Variants in PCSK2 observed in about 807,000 individuals in gnomAD.
PCSK2 encodes proprotein convertase subtilisin/kexin type 2.
Under a neutral mutation model 69.7 loss-of-function variants are expected in PCSK2, and 14 were observed. The observed-to-expected ratio is 0.20, with a 90% CI of 0.13 to 0.31. The LOEUF (loss-of-function observed/expected upper bound fraction) is 0.31. Ranked by LOEUF, PCSK2 falls within the 10% of genes least tolerant of loss-of-function variation. PCSK2 has a pLI of 1.00. For missense variants in PCSK2, 544 were observed against 842.5 expected, an observed-to-expected ratio of 0.65 and a Z score of 4.39; for synonymous variants, 307 against 320.7, an observed-to-expected ratio of 0.96 and a Z score of 0.46.
At chr20:17,363,186 A>G (rs1280684044) in intron 4 of PCSK2, among the ~76,000 whole-genome samples, 1 of 152,252 alleles carries the variant, frequency 6.6e-6, no homozygotes, top group African/African-American at 2.4e-5. Flanking sequence ...ATCTGCGTGC[A>G]GAAGTTTAAA....
At chr20:17,480,950 C>T (rs1034888223) in intron 11 of PCSK2, among the ~76,000 whole-genome samples, 1 of 152,148 alleles carries the variant, frequency 6.6e-6, no homozygotes, top group Admixed American at 6.5e-5. Flanking sequence ...GGGAGATTCT[C>T]GTGCCTGGGG....
At chr20:17,329,151 T>A (rs1370138692) in intron 2 of PCSK2, among the ~76,000 whole-genome samples, 2 of 152,222 alleles carry the variant, frequency 1.3e-5, no homozygotes, top group East Asian at 3.8e-4. Context: ...GCTTAGTAAT[T>A]TCTCTTTGTA....
chr20:17,455,684 G>C (rs561061707), intron 9 of PCSK2, among the ~76,000 whole-genome samples: 5 of 152,204 alleles, frequency 3.3e-5, no homozygotes, highest in Non-Finnish European at 7.3e-5. Context: ...AAACTAGGGT[G>C]GGGGTATTGA....
intron 1 of PCSK2, among the ~76,000 whole-genome samples, chr20:17,244,934 C>G (rs1314920331): frequency 5.3e-5 from 8 of 152,158 alleles, no homozygotes; most frequent in Non-Finnish European, 7.3e-5. Flanking sequence ...CATTTCTTGC[C>G]AGATCCTCGC....
intron 11 of PCSK2, among the ~76,000 whole-genome samples, chr20:17,466,802 C>G (rs1423274654): frequency 6.6e-6 from 1 of 152,202 alleles, no homozygotes; most frequent in East Asian, 1.9e-4. Context: ...ATTCGTCATA[C>G]CTGCTTCCAG....
intron 2 of PCSK2, among the ~76,000 whole-genome samples, chr20:17,346,246 C>T (rs1390186581): frequency 6.6e-6 from 1 of 152,182 alleles, no homozygotes; most frequent in Admixed American, 6.5e-5. Context: ...TAGCCAGGTG[C>T]CATGAGCACT....
At chr20:17,275,436 A>G (rs1600437893) in intron 2 of PCSK2, among the ~76,000 whole-genome samples, 1 of 152,240 alleles carries the variant, frequency 6.6e-6, no homozygotes, top group East Asian at 1.9e-4. Flanking sequence ...CTGTGAAATG[A>G]TTAATGACAT....
In PCSK2 at chr20:17,481,900, G is replaced by A. The variant is rs779095446; in HGVS notation, c.1747G>A (p.Val583Met). Residue 583 changes from valine to methionine, a missense_variant, in exon 12 of 12, where the codon GTG (valine) becomes ATG (methionine). Coordinates refer to ENST00000262545, the MANE Select transcript of PCSK2 (RefSeq NM_002594.5). Reference protein sequence around the residue: ...GFVGSAPQKGVLKEWTLMLHG... With the variant: ...GFVGSAPQKGMLKEWTLMLHG... ...TGTCGGCAGCGCCCCGCAGAAGGGG[G>A]TGCTGAAGGAGTGGACCCTGATGCT... is the stretch of plus-strand genomic sequence containing the variant. The A allele has an allele frequency of 2.5e-6, 4 of 1,613,926 alleles. No individual in the cohort carries two copies. The highest frequency in any genetic ancestry group is 2.2e-5 in the South Asian group (2 of 91,090).
intron 2 of PCSK2, among the ~76,000 whole-genome samples, chr20:17,329,882 C>A (rs1568605721): frequency 6.6e-6 from 1 of 152,136 alleles, no homozygotes. Flanking sequence ...CATCTCCACA[C>A]CCCGGAGGTA....
At chr20:17,329,726 T>C (rs535225738) in intron 2 of PCSK2, among the ~76,000 whole-genome samples, 1 of 152,370 alleles carries the variant, frequency 6.6e-6, no homozygotes, top group South Asian at 2.1e-4. Context: ...CATATTTGCA[T>C]GTATTAACTC....
chr20:17,318,194 A>T (rs1989747798), intron 2 of PCSK2, among the ~76,000 whole-genome samples: 2 of 152,238 alleles, frequency 1.3e-5, no homozygotes, highest in African/African-American at 4.8e-5. Context: ...AACCAAAGAC[A>T]GAACACTTCC....
At chr20:17,368,414 G>C (rs2030663757) in intron 4 of PCSK2, among the ~76,000 whole-genome samples, 1 of 152,124 alleles carries the variant, frequency 6.6e-6, no homozygotes, top group African/African-American at 2.4e-5. Context: ...GCCTGTCTTT[G>C]ACTCCACAGA....
At chr20:17,376,029 TG>T (rs2030915389) in intron 5 of PCSK2, among the ~76,000 whole-genome samples, 1 of 152,192 alleles carries the variant, frequency 6.6e-6, no homozygotes, top group Non-Finnish European at 1.5e-5. Flanking sequence ...AGGCCTTGTG[TG>T]CTCCCAACTG....
intron 2 of PCSK2, among the ~76,000 whole-genome samples, chr20:17,280,905 A>G (rs1403816072): frequency 6.6e-6 from 1 of 152,176 alleles, no homozygotes; most frequent in Non-Finnish European, 1.5e-5. Flanking sequence ...TTTGCTTTTC[A>G]GCAACCTCAG....
At chr20:17,255,356 T>C (rs1987135909) in intron 1 of PCSK2, among the ~76,000 whole-genome samples, 1 of 152,144 alleles carries the variant, frequency 6.6e-6, no homozygotes, top group Non-Finnish European at 1.5e-5. Flanking sequence ...TTTTTTTTTT[T>C]TTTGAGACGG....
rs368348110 is a variant in PCSK2 at position 17,295,564 on chromosome 20, A to G, written c.282+35220A>G. ...TTATATTATATATATTTATTTATTT[A>G]TTTATTATTTATTTTAGAGACAGAG... On this transcript the variant is annotated intron_variant, in intron 2 of 11. Transcript: ENST00000262545. Among the ~76,000 whole-genome samples, 42 of 142,644 alleles carry G rather than the reference A, an allele frequency of 2.9e-4. 2 individuals carry two copies. The East Asian group carries it at 4.0e-3, about 14-fold the overall frequency. 93.6% of individuals were successfully genotyped at this position (142,644 alleles called of 152,430 possible).
intron 2 of PCSK2, among the ~76,000 whole-genome samples, chr20:17,300,596 T>C (rs533920302): frequency 1.3e-5 from 2 of 152,386 alleles, no homozygotes; most frequent in South Asian, 4.1e-4. Context: ...GCTGTCTCTC[T>C]GGATATTTAA....
At chr20:17,277,873 GA>G (rs1988150141) in intron 2 of PCSK2, among the ~76,000 whole-genome samples, 1 of 151,594 alleles carries the variant, frequency 6.6e-6, no homozygotes, top group South Asian at 2.1e-4. Context: ...AAATTTACAA[GA>G]AAAAAACAAA....
chr20:17,427,613 C>T (rs1336214847), intron 6 of PCSK2, among the ~76,000 whole-genome samples: 7 of 152,164 alleles, frequency 4.6e-5, no homozygotes, highest in Admixed American at 2.6e-4. Context: ...AATTCAGTAG[C>T]TTGAAACAAT....
Sources: gnomAD v4.1 joint callset for allele counts (sites outside exome capture counted in the v4.1 genomes callset) on GRCh38, gnomAD v4.1.1 for gene constraint, MANE v1.5 for transcripts, NCBI Gene and HGNC (gene_info 2026-07-23, HGNC 2026-07-21) for gene names.